ZBTB24: variants seen among roughly 807,000 people sequenced by gnomAD.
ZBTB24 encodes zinc finger and BTB domain-containing protein 24.
In ZBTB24, 32 loss-of-function variants were observed where a neutral mutation model predicts 53.8. The observed-to-expected ratio is 0.60, with a 90% confidence interval of 0.45 to 0.80. The LOEUF (loss-of-function observed/expected upper bound fraction) is 0.80. Among genes scored for constraint, ZBTB24 ranks in the 30% least tolerant of loss-of-function variants. The probability of loss-of-function intolerance (pLI) is 0.00; values close to 1 mark genes in which losing one functional copy is unlikely to be tolerated. For missense variants in ZBTB24, 722 were observed against 837.1 expected, an observed-to-expected ratio of 0.86 and a Z score of 1.70; for synonymous variants, 297 against 306.7, an observed-to-expected ratio of 0.97 and a Z score of 0.33.
intron 4 of ZBTB24, among the ~76,000 whole-genome samples, chr6:109,475,766 G>A (rs555965168): frequency 6.6e-6 from 1 of 152,218 alleles, no homozygotes; most frequent in East Asian, 1.9e-4. Context: ...AATGACACTC[G>A]TAACCCACAT....
chr6:109,479,847 C>T (rs999443146), intron 2 of ZBTB24, among the ~76,000 whole-genome samples: 9 of 119,404 alleles, frequency 7.5e-5, no homozygotes, highest in African/African-American at 2.9e-4. Flanking sequence ...ACTCGGGAGG[C>T]GGAGGTTGCG....
chr6:109,478,127 T>C (rs1468727636), intron 2 of ZBTB24, among the ~76,000 whole-genome samples: 2 of 151,950 alleles, frequency 1.3e-5, no homozygotes, highest in Non-Finnish European at 2.9e-5. Context: ...ATTAAACAAG[T>C]TTTACTGGGG....
rs1304901455 is a variant in ZBTB24, at chr6:109,462,950, A to T, written c.*2901T>A. Reference sequence around the variant, plus strand: ...CATTTCTCAAGGACACATGAGAAGTACTTTCATGTTCACGACATTTCTTTT... The same window carrying T: ...CATTTCTCAAGGACACATGAGAAGTTCTTTCATGTTCACGACATTTCTTTT... On this transcript the variant is annotated 3_prime_UTR_variant, in exon 7 of 7. Coordinates refer to ENST00000230122, the MANE Select transcript of ZBTB24 (RefSeq NM_014797.3). 1 of 152,244 alleles carries T rather than the reference A, an allele frequency of 6.6e-6. No individual in the cohort carries two copies. Among genetic ancestry groups the T allele is most frequent in the African/African-American group, 2.4e-5 (1 of 41,466 alleles). 9.4% of individuals were successfully genotyped at this position (152,244 alleles called of 1,614,324 possible).
intron 5 of ZBTB24, among the ~76,000 whole-genome samples, chr6:109,474,828 C>T (rs1776247023): frequency 6.6e-6 from 1 of 151,780 alleles, no homozygotes; most frequent in Non-Finnish European, 1.5e-5. Context: ...TGCTTGAGCC[C>T]AGGAGTTCAA....
chr6:109,481,728 T>C lies in ZBTB24; in HGVS notation c.299A>G (p.His100Arg). 6.2e-7 allele frequency: 1 copy of C among 1,614,228 alleles called. No individual in the cohort carries two copies. Among genetic ancestry groups the C allele is most frequent in the Non-Finnish European group, 8.5e-7 (1 of 1,180,036 alleles). The change falls in exon 2 of 7, where the codon CAT becomes CGT. Residue 100 changes from histidine (H) to arginine (R), a missense_variant. By Grantham distance (29) the His-to-Arg change is conservative. Coordinates refer to ENST00000230122, the MANE Select transcript of ZBTB24 (RefSeq NM_014797.3). ...TTGTTCTGTACTTTTCTCACTGGCATGGAGATAACCTGTGTAGATAAATTC... is the reference window on the plus strand; with the variant it reads ...TTGTTCTGTACTTTTCTCACTGGCACGGAGATAACCTGTGTAGATAAATTC... ...LLEFIYTGYL[H>R]ASEKSTEQIL...
At position 109,476,194 on chromosome 6, in the gene ZBTB24, G is replaced by C; in HGVS notation, c.1185C>G (p.Ser395Arg). 6.2e-7 allele frequency: 1 copy of C among 1,614,022 alleles called. No homozygotes were observed. The highest frequency in any genetic ancestry group is 8.5e-7 in the Non-Finnish European group (1 of 1,179,996). Residue 395 changes from serine to arginine, a missense_variant, in exon 4 of 7, where the codon AGC becomes AGG. By Grantham distance (110) the Ser-to-Arg change is moderately radical. Coordinates refer to ENST00000230122, the MANE Select transcript of ZBTB24 (RefSeq NM_014797.3). ...TCGTACCTGTATGAACTCGGTAATG[G>C]CTCTTTAGCTGTCTGTTCTGGCTGA... is the stretch of plus-strand genomic sequence containing the variant. ...KYFSQNRQLKSHYRVHTGHSL... is the reference protein window; with the variant it reads ...KYFSQNRQLKRHYRVHTGHSL...
chr6:109,480,525 C>T (rs1258701328), intron 2 of ZBTB24, among the ~76,000 whole-genome samples: 1 of 152,144 alleles, frequency 6.6e-6, no homozygotes, highest in East Asian at 1.9e-4. Context: ...ACAGAAGGGT[C>T]CCATTGGTCA....
rs770396599 is a variant in ZBTB24, at chr6:109,481,543, G to C, written c.484C>G (p.Arg162Gly). 1.2e-6 allele frequency: 2 copies of C among 1,613,988 alleles called. No homozygotes were observed. Among genetic ancestry groups the C allele is most frequent in the African/African-American group, 2.7e-5 (2 of 74,882 alleles). The part of the protein sequence containing the change: ...NKKNDPPKRK[R>G]GRPKKVNTLQ... ...GTATTGACTTTTTTTGGTCTTCCCC[G>C]TTTCCGCTTTGGAGGATCGTTTTTC... The change falls in exon 2 of 7, where the codon CGG becomes GGG. Residue 162 changes from arginine (R) to glycine (G), a missense_variant. Arg to Gly is a moderately radical substitution (Grantham distance 125). Coordinates refer to ENST00000230122, the MANE Select transcript of ZBTB24 (RefSeq NM_014797.3).
rs768648154 is a variant in ZBTB24 at position 109,463,814 on chromosome 6, T to C, written c.*2037A>G. Reference sequence around the variant, plus strand: ...TGGCAAATGTTGGATTAAATAAACTTTTATTAACATTTTCACCTGCTTCTT... The same window carrying C: ...TGGCAAATGTTGGATTAAATAAACTCTTATTAACATTTTCACCTGCTTCTT... On this transcript the variant is annotated 3_prime_UTR_variant, in exon 7 of 7. Transcript: ENST00000230122. The C allele has an allele frequency of 6.6e-5, 10 of 152,242 alleles. No homozygotes were observed. Among genetic ancestry groups the C allele is most frequent in the Non-Finnish European group, 1.3e-4 (9 of 68,044 alleles). 9.4% of individuals were successfully genotyped at this position (152,242 alleles called of 1,614,324 possible). A position where few individuals can be genotyped will look rare whatever the true frequency, so the allele number is the denominator to read the frequency against.
At position 109,465,414 on chromosome 6, in the gene ZBTB24, T is replaced by C; in HGVS notation, c.*437A>G. On this transcript the variant is annotated 3_prime_UTR_variant, in exon 7 of 7. Coordinates refer to ENST00000230122, the MANE Select transcript of ZBTB24 (RefSeq NM_014797.3). ...GTCTTGTGGTAACAACTGTGTTGCC[T>C]AAGAAAAATAAGAAAATAGAACAAA... 5.6e-6 allele frequency: 3 copies of C among 536,154 alleles called. No homozygotes were observed. The highest frequency in any genetic ancestry group is 6.2e-5 in the East Asian group (2 of 32,272). The allele number at this position is 536,154 out of a possible 1,614,324, so 33.2% of individuals were successfully genotyped here.
chr6:109,471,575 C>T (rs1033630242), intron 5 of ZBTB24, among the ~76,000 whole-genome samples: 2 of 152,124 alleles, frequency 1.3e-5, no homozygotes, highest in African/African-American at 4.8e-5. Context: ...TATGGAACAC[C>T]ATCCAGGAAC....
chr6:109,466,560 T>A lies in ZBTB24; in HGVS notation c.1385A>T (p.Tyr462Phe). 3 of 1,612,054 alleles carry A rather than the reference T, an allele frequency of 1.9e-6. No homozygotes were observed. The highest frequency in any genetic ancestry group is 2.5e-6 in the Non-Finnish European group (3 of 1,179,990). ...HIRIHRGEKP[Y>F]SCGICGKSFS... ...GGATTTGCCACAAATGCCACAGGAG[T>A]ATGGCTTTTCTCCTCTGTAAGAAAA... The change falls in exon 7 of 7, where the codon TAC (tyrosine) becomes TTC (phenylalanine). Residue 462 changes from tyrosine to phenylalanine, a missense_variant. Transcript: ENST00000230122.
chr6:109,480,885 A>C, intron 2 of ZBTB24, 190 bp downstream of exon 2: 1 of 1,355,382 alleles, frequency 7.4e-7, no homozygotes, highest in Non-Finnish European at 9.7e-7. Context: ...ATATGATTTT[A>C]ATCATACAAT....
intron 5 of ZBTB24, among the ~76,000 whole-genome samples, chr6:109,473,710 G>A (rs899264020): frequency 7.9e-5 from 12 of 152,192 alleles, no homozygotes; most frequent in African/African-American, 2.7e-4. Flanking sequence ...CTGGTTCCCA[G>A]TAAGTGCTCA....
At chr6:109,480,135 C>T (rs995632424) in intron 2 of ZBTB24, among the ~76,000 whole-genome samples, 16 of 152,176 alleles carry the variant, frequency 1.1e-4, no homozygotes, top group Non-Finnish European at 1.8e-4. Context: ...TAGAAGCTCC[C>T]TAAGTGATTC....
intron 2 of ZBTB24, among the ~76,000 whole-genome samples, chr6:109,478,941 A>G (rs1249518319): frequency 6.6e-6 from 1 of 152,114 alleles, no homozygotes; most frequent in South Asian, 2.1e-4. Flanking sequence ...AAATTAAAAC[A>G]TTTAGAAAAA....
intron 2 of ZBTB24, among the ~76,000 whole-genome samples, chr6:109,479,654 C>T (rs1296130608): frequency 2.0e-5 from 3 of 152,298 alleles, no homozygotes; most frequent in African/African-American, 4.8e-5. Flanking sequence ...CAGTGGCGCA[C>T]GCCTGTAATC....
At chr6:109,472,835 A>C (rs1776194233) in intron 5 of ZBTB24, among the ~76,000 whole-genome samples, 1 of 151,422 alleles carries the variant, frequency 6.6e-6, no homozygotes, top group East Asian at 1.9e-4. Flanking sequence ...TCCTCTTTCA[A>C]CTCCCACATC....
At position 109,481,228 on chromosome 6, in the gene ZBTB24, A is replaced by C. The variant is rs1776403517; in HGVS notation, c.799T>G (p.Tyr267Asp). ...RIWRSVKLKD[Y>D]KLVGDQEDHG... is the part of the protein sequence containing the mutation. ...TCCTCTTGATCCCCAACAAGTTTGT[A>C]ATCTTTAAGTTTGACGGATCTCCAA... The change falls in exon 2 of 7, where the codon TAC becomes GAC. Residue 267 changes from tyrosine to aspartate, a missense_variant. Coordinates refer to ENST00000230122, the MANE Select transcript of ZBTB24 (RefSeq NM_014797.3). 1.2e-6 allele frequency: 2 copies of C among 1,614,196 alleles called. No individual in the cohort carries two copies. The highest frequency in any genetic ancestry group is 8.5e-7 in the Non-Finnish European group (1 of 1,180,038).
Sources: allele counts gnomAD v4.1 joint callset (sites outside exome capture counted in the v4.1 genomes callset), GRCh38; gene constraint gnomAD v4.1.1; transcripts MANE v1.5; gene names NCBI Gene and HGNC (gene_info 2026-07-23, HGNC 2026-07-21).